Variants in SPIDR observed in about 807,000 individuals in gnomAD.
SPIDR encodes the protein scaffold protein involved in DNA repair.
SPIDR carries 93 observed loss-of-function variants against 104.6 expected under a neutral mutation model. The ratio of observed to expected loss-of-function variants is 0.89; its 90% CI spans 0.75 to 1.06. The LOEUF (loss-of-function observed/expected upper bound fraction) is 1.06, where lower values mean the gene tolerates loss of function less well. Ranked by LOEUF, SPIDR falls within the 50% of genes least tolerant of loss-of-function variation. The pLI is 0.00. For synonymous variants in SPIDR, 431 were observed against 416.9 expected (o/e 1.03, Z -0.41); for missense variants, 1,154 against 1,111.2 (o/e 1.04, Z -0.55).
At chr8:47,350,495 G>A (rs2053276751) in intron 5 of SPIDR, among the ~76,000 whole-genome samples, 1 of 152,078 alleles carries the variant, frequency 6.6e-6, no homozygotes, top group South Asian at 2.1e-4. Flanking sequence ...TGTATTTTTA[G>A]TAGAGATGGG....
chr8:47,633,447 A>C (rs1490018305), intron 10 of SPIDR, among the ~76,000 whole-genome samples: 1 of 151,780 alleles, frequency 6.6e-6, no homozygotes, highest in Non-Finnish European at 1.5e-5. Context: ...AACCAAGGAG[A>C]ATGTTCTCAC....
At chr8:47,568,708 A>G (rs2058182518) in intron 8 of SPIDR, among the ~76,000 whole-genome samples, 1 of 152,230 alleles carries the variant, frequency 6.6e-6, no homozygotes, top group African/African-American at 2.4e-5. Flanking sequence ...AGGGGCAGAA[A>G]AAATATTTAA....
intron 17 of SPIDR, among the ~76,000 whole-genome samples, chr8:47,727,895 G>A (rs2154493622): frequency 6.6e-6 from 1 of 151,690 alleles, no homozygotes; most frequent in South Asian, 2.1e-4. Flanking sequence ...AAGGCAGGCG[G>A]ATCATAAGGT....
rs200908076 is a variant in SPIDR at position 47,735,087 on chromosome 8, G to GGTGTGTGGGTGTGTGT, written c.2605-196_2605-181dup. Among the ~76,000 whole-genome samples the GGTGTGTGGGTGTGTGT allele has an allele frequency of 3.3e-3, 488 of 148,180 alleles. 4 individuals carry two copies. Among genetic ancestry groups the GGTGTGTGGGTGTGTGT allele is most frequent in the East Asian group, 0.016 (82 of 5,050 alleles). ...GTTCCTTCACTTGCTAAAATAAATG[G>GGTGTGTGGGTGTGTGT]GTGTGTGGGTGTGTGTGTGTGTGGG... On this transcript the variant is annotated intron_variant, in intron 19 of 19. Transcript: ENST00000297423.
intron 5 of SPIDR, among the ~76,000 whole-genome samples, chr8:47,300,333 C>G (rs1274691266): frequency 6.6e-6 from 1 of 151,862 alleles, no homozygotes; most frequent in South Asian, 2.1e-4. Flanking sequence ...CTATCTGATT[C>G]TTCTCTCTTT....
At chr8:47,306,421 A>G (rs2043107932) in intron 5 of SPIDR, among the ~76,000 whole-genome samples, 1 of 152,218 alleles carries the variant, frequency 6.6e-6, no homozygotes, top group East Asian at 1.9e-4. Context: ...GGTTACAGGC[A>G]TGAGCCACCG....
At chr8:47,402,737 G>A (rs1424191936) in intron 6 of SPIDR, among the ~76,000 whole-genome samples, 1 of 151,698 alleles carries the variant, frequency 6.6e-6, no homozygotes. Flanking sequence ...AAAAAGTCCA[G>A]GACCAGACGG....
chr8:47,696,297 A>G (rs771960975), intron 11 of SPIDR, among the ~76,000 whole-genome samples: 4 of 152,206 alleles, frequency 2.6e-5, no homozygotes, highest in Non-Finnish European at 5.9e-5. Context: ...CTTCCAAAAT[A>G]TGTTACCAAC....
intron 8 of SPIDR, among the ~76,000 whole-genome samples, chr8:47,467,948 C>T (rs2075153056): frequency 6.6e-6 from 1 of 152,168 alleles, no homozygotes; most frequent in African/African-American, 2.4e-5. Context: ...GATCCTCTAT[C>T]TAGAAAACCC....
intron 10 of SPIDR, among the ~76,000 whole-genome samples, chr8:47,640,978 G>A (rs559950387): frequency 1.1e-4 from 16 of 147,784 alleles, no homozygotes; most frequent in African/African-American, 2.5e-4. Flanking sequence ...CTCCCAAAGC[G>A]CTAGGATTAC....
chr8:47,478,428 CAGA>C (rs2154360609), intron 8 of SPIDR, among the ~76,000 whole-genome samples: 1 of 152,244 alleles, frequency 6.6e-6, no homozygotes, highest in South Asian at 2.1e-4. Flanking sequence ...TTCACAGAGA[CAGA>C]AGAAGCAGGA....
chr8:47,536,350 A>G (rs987956687), intron 8 of SPIDR, among the ~76,000 whole-genome samples: 2 of 152,196 alleles, frequency 1.3e-5, no homozygotes, highest in Non-Finnish European at 2.9e-5. Context: ...ATACTGAAAG[A>G]GAACAAAGAG....
At chr8:47,699,997 C>T (rs1412856624) in intron 11 of SPIDR, among the ~76,000 whole-genome samples, 1 of 152,190 alleles carries the variant, frequency 6.6e-6, no homozygotes, top group Non-Finnish European at 1.5e-5. Flanking sequence ...TCAGTCTTTT[C>T]CTTTGGCTTA....
chr8:47,296,961 T>G (rs2040959087), intron 5 of SPIDR, among the ~76,000 whole-genome samples: 1 of 152,232 alleles, frequency 6.6e-6, no homozygotes, highest in African/African-American at 2.4e-5. Context: ...CCTCCTTAAA[T>G]TTACTTCTAA....
chr8:47,561,313 C>A (rs2057044852), intron 8 of SPIDR, among the ~76,000 whole-genome samples: 1 of 152,182 alleles, frequency 6.6e-6, no homozygotes, highest in Non-Finnish European at 1.5e-5. Context: ...CACCTGGAGT[C>A]TCCAAGCAGA....
At chr8:47,618,535 G>C (rs1040456148) in intron 10 of SPIDR, among the ~76,000 whole-genome samples, 3 of 152,098 alleles carry the variant, frequency 2.0e-5, no homozygotes, top group Admixed American at 6.5e-5. Context: ...AAACATGTCA[G>C]TGCATATTAT....
intron 8 of SPIDR, among the ~76,000 whole-genome samples, chr8:47,501,290 CTGTT>C (rs1564155327): frequency 1.3e-5 from 2 of 152,184 alleles, no homozygotes; most frequent in African/African-American, 2.4e-5. Context: ...GAATGTTCTT[CTGTT>C]TGTTTGTATC....
intron 8 of SPIDR, among the ~76,000 whole-genome samples, chr8:47,553,215 T>G (rs907908507): frequency 3.9e-5 from 6 of 152,186 alleles, no homozygotes; most frequent in South Asian, 2.1e-4. Context: ...CATTTCAACC[T>G]TGGTGAATCT....
intron 10 of SPIDR, among the ~76,000 whole-genome samples, chr8:47,644,015 T>G (rs777955144): frequency 1.1e-4 from 16 of 152,184 alleles, no homozygotes; most frequent in Non-Finnish European, 1.5e-4. Flanking sequence ...AGTGTGATGT[T>G]TACATTTCTG....
Sources: gnomAD v4.1 joint callset for allele counts (sites outside exome capture counted in the v4.1 genomes callset) on GRCh38, gnomAD v4.1.1 for gene constraint, MANE v1.5 for transcripts, NCBI Gene and HGNC (gene_info 2026-07-23, HGNC 2026-07-21) for gene names.